Variants in SMARCA2 observed in about 807,000 individuals in gnomAD.
SMARCA2 encodes the protein SWI/SNF-related matrix-associated actin-dependent regulator of chromatin subfamily A member 2.
Under a neutral mutation model 199.8 loss-of-function variants are expected in SMARCA2, and 61 were observed. The observed-to-expected ratio is 0.31, with a 90% confidence interval of 0.25 to 0.38. The LOEUF is 0.38. SMARCA2 is among the 10% of genes least tolerant of loss of function. The probability of loss-of-function intolerance (pLI) is 1.00; values close to 1 mark genes in which losing one functional copy is unlikely to be tolerated. For missense variants in SMARCA2, 1,344 were observed against 2,012.2 expected (o/e 0.67, Z 6.35); for synonymous variants, 935 against 732.0 (o/e 1.28, Z -4.48).
chr9:2,155,013 G>T (rs373787388), intron 27 of SMARCA2, among the ~76,000 whole-genome samples: 9 of 152,174 alleles, frequency 5.9e-5, no homozygotes, highest in Admixed American at 5.9e-4. Context: ...TAAGTCTCTT[G>T]CAGGGTCTCA....
At position 2,115,441 on chromosome 9, in the gene SMARCA2, G is replaced by A. The variant is rs571995275; in HGVS notation, c.3457-381G>A. ...CAACACATCACGCCAAAGAAAAGGCGTTTCTTGCAACTTAAGGTTAGTTGT... is the reference window on the plus strand; with the variant it reads ...CAACACATCACGCCAAAGAAAAGGCATTTCTTGCAACTTAAGGTTAGTTGT... On this transcript the variant is annotated intron_variant, in intron 24 of 33. Coordinates refer to ENST00000349721, the MANE Select transcript of SMARCA2 (RefSeq NM_003070.5). The surrounding 1 kb of genome is among the most constrained non-coding windows in gnomAD (Gnocchi z 6.0). Among the ~76,000 whole-genome samples the A allele has an allele frequency of 2.6e-5, 4 of 152,258 alleles. 1 individual carries two copies. Among genetic ancestry groups the A allele is most frequent in the Admixed American group, 1.3e-4 (2 of 15,284 alleles).
intron 22 of SMARCA2, among the ~76,000 whole-genome samples, chr9:2,103,111 G>A (rs918304182): frequency 6.6e-6 from 1 of 151,816 alleles, no homozygotes; most frequent in Non-Finnish European, 1.5e-5. Flanking sequence ...ATTATTTCAG[G>A]TTTTAGCTAA....
At chr9:2,022,240 A>G (rs929258307) in intron 1 of SMARCA2, 4 of 152,206 alleles carry the variant, frequency 2.6e-5, no homozygotes, top group African/African-American at 7.2e-5. Context: ...TCAAGTCCAG[A>G]GTGGGAATTG....
chr9:2,159,030 A>G, intron 27 of SMARCA2: 1 of 1,599,108 alleles, frequency 6.3e-7, no homozygotes. Flanking sequence ...TTTAATAAGA[A>G]TCTGCACGTA....
At chr9:2,152,765 T>C (rs1342449418) in intron 27 of SMARCA2, among the ~76,000 whole-genome samples, 1 of 138,828 alleles carries the variant, frequency 7.2e-6, no homozygotes, top group East Asian at 2.2e-4. Context: ...GGCAGGAGAA[T>C]CACTTGAACC....
At chr9:2,105,306 C>T (rs12377891) in intron 23 of SMARCA2, among the ~76,000 whole-genome samples, 4,284 of 152,114 alleles carry the variant, frequency 0.028, 103 homozygotes, top group Non-Finnish European at 0.042. Context: ...AATGCAGTGG[C>T]ATGATCTCAG....
intron 29 of SMARCA2, among the ~76,000 whole-genome samples, chr9:2,178,757 T>C (rs1040699244): frequency 6.6e-6 from 1 of 152,078 alleles, no homozygotes; most frequent in Non-Finnish European, 1.5e-5. Flanking sequence ...AGGAAAAAAA[T>C]AAATTACTCC....
intron 15 of SMARCA2, 145 bp from the exon 16 acceptor site, chr9:2,083,202 C>G: frequency 2.1e-6 from 1 of 472,974 alleles, no homozygotes; most frequent in Non-Finnish European, 3.7e-6. Context: ...TATTTCCACA[C>G]CTTTAAAATA....
intron 27 of SMARCA2, among the ~76,000 whole-genome samples, chr9:2,148,044 T>C (rs1463681203): frequency 6.6e-6 from 1 of 151,616 alleles, no homozygotes; most frequent in African/African-American, 2.4e-5. Flanking sequence ...AGTTTACACT[T>C]GCCTCCCAGT....
intron 19 of SMARCA2, among the ~76,000 whole-genome samples, chr9:2,089,064 T>A (rs561484945): frequency 1.3e-5 from 2 of 152,258 alleles, no homozygotes; most frequent in Admixed American, 6.5e-5. Flanking sequence ...ATGTCACCAT[T>A]CTGACAGTAA....
intron 27 of SMARCA2, chr9:2,158,670 C>A (rs950475476): frequency 1.3e-5 from 4 of 317,228 alleles, no homozygotes; most frequent in African/African-American, 4.6e-5. Flanking sequence ...TTGTGTGTGA[C>A]CCCCCAGCCC....
At chr9:2,186,363 G>A in intron 32 of SMARCA2, 135 bp downstream of exon 32, 1 of 899,506 alleles carries the variant, frequency 1.1e-6, no homozygotes, top group Non-Finnish European at 1.6e-6. Flanking sequence ...TGTCCTTGCT[G>A]GGCAACCGGT....
At chr9:2,155,446 C>A (rs1018420679) in intron 27 of SMARCA2, among the ~76,000 whole-genome samples, 1 of 152,030 alleles carries the variant, frequency 6.6e-6, no homozygotes, top group Non-Finnish European at 1.5e-5. Context: ...CCACACCTGG[C>A]TAATGTTTGT....
intron 5 of SMARCA2, among the ~76,000 whole-genome samples, chr9:2,052,804 G>A (rs976375348): frequency 6.6e-6 from 1 of 151,962 alleles, no homozygotes; most frequent in Non-Finnish European, 1.5e-5. Context: ...ACTTTTTCAC[G>A]TTAATGAAAA....
intron 1 of SMARCA2, among the ~76,000 whole-genome samples, chr9:2,022,701 C>T (rs917578222): frequency 1.3e-5 from 2 of 152,120 alleles, no homozygotes; most frequent in African/African-American, 4.8e-5. Flanking sequence ...TCTTGGCAGT[C>T]AGAAAAGGAA....
Position 2,154,954 on chromosome 9 carries a change from C to T in SMARCA2, c.3982-6732C>T, listed in dbSNP as rs532367315. On this transcript the variant is annotated intron_variant, in intron 27 of 33. Transcript: ENST00000349721. ...TAGATAGTAACTTGATTGATGATCT[C>T]GGAATAGGAAAGCAGAACTGTATTT... is the stretch of plus-strand genomic sequence containing the variant. Among the ~76,000 whole-genome samples, 40 of 152,220 alleles carry T rather than the reference C, an allele frequency of 2.6e-4. 1 individual carries two copies. In the East Asian group the frequency reaches 3.7e-3, roughly 14 times the overall value.
intron 33 of SMARCA2, 172 bp downstream of exon 33, chr9:2,191,580 C>T: frequency 1.5e-6 from 1 of 663,894 alleles, no homozygotes; most frequent in East Asian, 2.8e-5. Flanking sequence ...TGATTTAGAA[C>T]AAAGGATTGG....
chr9:2,182,913 C>G (rs976403683), intron 31 of SMARCA2, among the ~76,000 whole-genome samples: 3 of 152,070 alleles, frequency 2.0e-5, no homozygotes, highest in Admixed American at 6.5e-5. Flanking sequence ...GCCTTAGCCT[C>G]CTGAGTAGCT....
intron 23 of SMARCA2, among the ~76,000 whole-genome samples, chr9:2,107,976 T>TG (rs1822836070): frequency 6.6e-6 from 1 of 151,906 alleles, no homozygotes; most frequent in South Asian, 2.1e-4. Flanking sequence ...GGTAAGGAAG[T>TG]GGGGTGGTGT....
Sources: gnomAD v4.1 joint callset for allele counts (sites outside exome capture counted in the v4.1 genomes callset) on GRCh38, gnomAD v4.1.1 for gene constraint, Gnocchi (gnomAD v3.1) non-coding constraint, MANE v1.5 for transcripts, NCBI Gene and HGNC (gene_info 2026-07-23, HGNC 2026-07-21) for gene names.